The following QSER1 variants were observed in gnomAD, a reference collection of about 807,000 sequenced individuals.
The protein encoded by QSER1 is glutamine and serine rich 1.
Under a neutral mutation model 158.5 loss-of-function variants are expected in QSER1, and 49 were observed. That is an observed-to-expected ratio of 0.31 (90% CI 0.25 to 0.39). QSER1 has a LOEUF of 0.39. Among genes scored for constraint, QSER1 ranks in the 10% least tolerant of loss-of-function variants. QSER1 has a pLI of 1.00. For missense variants in QSER1, 1,754 were observed against 2,010.3 expected (o/e 0.87, Z 2.44); for synonymous variants, 650 against 715.5 (o/e 0.91, Z 1.46).
chr11:32,935,162 C>T lies in QSER1; in HGVS notation c.3904C>T (p.Pro1302Ser), dbSNP rs576532664. The part of the protein sequence containing the change: ...QQFSTLAVRM[P>S]NRTRRPGTQM... ...GTTTTCCACTCTTGCTGTACGAATGCCTAACAGGACTAGACGGCCAGGGAC... is the reference window on the plus strand; with the variant it reads ...GTTTTCCACTCTTGCTGTACGAATGTCTAACAGGACTAGACGGCCAGGGAC... Residue 1302 changes from proline to serine, a missense_variant, in exon 4 of 13, where the codon CCT becomes TCT. Coordinates refer to ENST00000650167, the MANE Select transcript of QSER1 (RefSeq NM_001076786.3). 7 of 1,614,048 alleles carry T rather than the reference C, an allele frequency of 4.3e-6. No individual in the cohort carries two copies. In the East Asian group the frequency reaches 1.3e-4, roughly 31 times the overall value.
At chr11:32,963,059 T>C (rs1852655489) in intron 8 of QSER1, among the ~76,000 whole-genome samples, 1 of 152,258 alleles carries the variant, frequency 6.6e-6, no homozygotes, top group South Asian at 2.1e-4. Flanking sequence ...GTGTACCTGC[T>C]ATTTCATCAC....
rs11032076 is a variant in QSER1 at position 32,975,259 on chromosome 11, C to T, written c.5370C>T (p.Val1790=). The change falls in exon 12 of 13, where the codon GTC becomes GTT. Residue 1790 remains valine (V), a synonymous_variant. Coordinates refer to ENST00000650167, the MANE Select transcript of QSER1 (RefSeq NM_001076786.3). Reference sequence around the variant, plus strand: ...TTTTCTTTTTATAGGAGTTTGCTGTCGATCCAGAGAAAATACAGTTGTATT... The same window carrying T: ...TTTTCTTTTTATAGGAGTTTGCTGTTGATCCAGAGAAAATACAGTTGTATT... The part of the protein sequence containing the change: ...TTTKSAQEFA[V]DPEKIQLYSL... The T allele has an allele frequency of 0.12, 191,599 of 1,547,578 alleles. 13,322 individuals are homozygous for T. Among genetic ancestry groups the T allele is most frequent in the Non-Finnish European group, 0.14 (160,866 of 1,144,578 alleles).
chr11:32,895,460 A>G (rs1395639410), intron 1 of QSER1, among the ~76,000 whole-genome samples: 3 of 152,234 alleles, frequency 2.0e-5, no homozygotes, highest in African/African-American at 4.8e-5. Context: ...GATTTCAGTT[A>G]TATCAAAAAT....
Position 32,935,273 on chromosome 11 carries a change from A to AAT in QSER1, c.4016_4017insTA (p.Ser1340ThrfsTer41). 6.2e-7 allele frequency: 1 copy of AAT among 1,613,992 alleles called. No individual in the cohort carries two copies. The highest frequency in any genetic ancestry group is 8.5e-7 in the Non-Finnish European group (1 of 1,179,954). On this transcript the variant is annotated frameshift_variant, in exon 4 of 13. Transcript: ENST00000650167. LOFTEE classifies it high-confidence loss of function. ...ACCTTTAGTGTCTGAAACTGGCGGT[A>AAT]ACAGTCCATCAGATAAAGTTGATAA...
chr11:32,953,047 C>T (rs1241958164), intron 4 of QSER1, among the ~76,000 whole-genome samples: 2 of 152,006 alleles, frequency 1.3e-5, no homozygotes, highest in South Asian at 2.1e-4. Flanking sequence ...GTGATCTGCC[C>T]GCCTTGGCCT....
intron 4 of QSER1, among the ~76,000 whole-genome samples, chr11:32,952,386 G>A (rs1852436863): frequency 1.3e-5 from 1 of 79,886 alleles, no homozygotes; most frequent in Non-Finnish European, 3.0e-5. Context: ...GTGCTCCTAT[G>A]CTGTTTTCTA....
At chr11:32,929,200 G>A (rs942732857) in intron 3 of QSER1, among the ~76,000 whole-genome samples, 6 of 151,902 alleles carry the variant, frequency 3.9e-5, no homozygotes, top group African/African-American at 9.7e-5. Context: ...CAACCTCTGC[G>A]TCCCAGGTTC....
intron 1 of QSER1, among the ~76,000 whole-genome samples, chr11:32,904,482 G>A (rs1321344265): frequency 1.3e-5 from 2 of 151,998 alleles, no homozygotes; most frequent in East Asian, 1.9e-4. Context: ...GAGCCACTGC[G>A]CCCAGCCAGT....
intron 1 of QSER1, among the ~76,000 whole-genome samples, chr11:32,899,711 G>A (rs1242596325): frequency 6.6e-6 from 1 of 152,018 alleles, no homozygotes; most frequent in African/African-American, 2.4e-5. Flanking sequence ...TCTGGAGGGT[G>A]AGAGGGTAAT....
intron 10 of QSER1, among the ~76,000 whole-genome samples, chr11:32,969,370 T>C (rs1328883855): frequency 6.6e-6 from 1 of 152,168 alleles, no homozygotes; most frequent in African/African-American, 2.4e-5. Flanking sequence ...TTATATCTTC[T>C]ATAAAATAAT....
At chr11:32,971,553 A>G (rs1852856843) in intron 10 of QSER1, among the ~76,000 whole-genome samples, 1 of 152,196 alleles carries the variant, frequency 6.6e-6, no homozygotes, top group South Asian at 2.1e-4. Flanking sequence ...GCAAATAATA[A>G]TTCTGGATCC....
chr11:32,901,415 T>C (rs903878574), intron 1 of QSER1, among the ~76,000 whole-genome samples: 3 of 152,166 alleles, frequency 2.0e-5, no homozygotes, highest in Non-Finnish European at 4.4e-5. Context: ...AAAATTATAT[T>C]GAGTTCAAGG....
rs1251676332 is a variant in QSER1, at chr11:32,892,917, C to T, written c.-209C>T. ...CGCTTCCCTGACGCCCAGCTGGGGC[C>T]TCGCCGCCCGCCGCGGCCCGGGTCT... On this transcript the variant is annotated 5_prime_UTR_variant, in exon 1 of 13. Transcript: ENST00000650167. Among the ~76,000 whole-genome samples the T allele has an allele frequency of 6.9e-5, 10 of 145,422 alleles. No homozygotes were observed. Among genetic ancestry groups the T allele is most frequent in the East Asian group, 4.2e-4 (2 of 4,784 alleles).
rs747335134 is a variant in QSER1 at position 32,933,273 on chromosome 11, A to G, written c.2015A>G (p.Lys672Arg). 1 of 1,610,704 alleles carries G rather than the reference A, an allele frequency of 6.2e-7. No individual in the cohort carries two copies. The highest frequency in any genetic ancestry group is 8.5e-7 in the Non-Finnish European group (1 of 1,179,138). Residue 672 changes from lysine to arginine, a missense_variant, in exon 4 of 13, where the codon AAG becomes AGG. By Grantham distance (26) the Lys-to-Arg change is conservative. Coordinates refer to ENST00000650167, the MANE Select transcript of QSER1 (RefSeq NM_001076786.3). ...AATAACATAACTTCCCCTGACCCAA[A>G]GTCTTATGCTGAAAGAAAGCTTGAC... Reference protein sequence around the residue: ...LQNNITSPDPKSYAERKLDSD... With the variant: ...LQNNITSPDPRSYAERKLDSD...
intron 1 of QSER1, among the ~76,000 whole-genome samples, chr11:32,917,526 T>G (rs1851847815): frequency 6.6e-6 from 1 of 152,182 alleles, no homozygotes; most frequent in Non-Finnish European, 1.5e-5. Flanking sequence ...CACAAGATAC[T>G]AAAAAACCCT....
At chr11:32,918,359 G>A (rs888013204) in intron 1 of QSER1, among the ~76,000 whole-genome samples, 1 of 152,008 alleles carries the variant, frequency 6.6e-6, no homozygotes, top group Non-Finnish European at 1.5e-5. Context: ...GAAAAATAAA[G>A]AGGGTTAGGG....
chr11:32,957,717 T>C (rs1054396468), intron 7 of QSER1, 152 bp from the exon 8 acceptor site: 5 of 631,686 alleles, frequency 7.9e-6, no homozygotes, highest in African/African-American at 7.4e-5. Flanking sequence ...GGAATCACCA[T>C]TGAGATGTAT....
chr11:32,902,738 T>G (rs1394458178), intron 1 of QSER1, among the ~76,000 whole-genome samples: 1 of 152,192 alleles, frequency 6.6e-6, no homozygotes, highest in Non-Finnish European at 1.5e-5. Flanking sequence ...CCTTTGCCAT[T>G]GTAGGTGATA....
rs571672048 is a variant in QSER1, at chr11:32,896,769, G to A, written c.209+3435G>A. Reference sequence around the variant, plus strand: ...AATGCATACTTTTTTTTAGTATGAGGTATAATGAGTATGATAAATACTCCT... The same window carrying A: ...AATGCATACTTTTTTTTAGTATGAGATATAATGAGTATGATAAATACTCCT... On this transcript the variant is annotated intron_variant, in intron 1 of 12. Coordinates refer to ENST00000650167, the MANE Select transcript of QSER1 (RefSeq NM_001076786.3). Among the ~76,000 whole-genome samples the A allele has an allele frequency of 2.1e-3, 319 of 152,194 alleles. 2 individuals are homozygous for A. The highest frequency in any genetic ancestry group is 7.5e-3 in the African/African-American group (313 of 41,514).
Sources: allele counts gnomAD v4.1 joint callset (sites outside exome capture counted in the v4.1 genomes callset), GRCh38; gene constraint gnomAD v4.1.1; transcripts MANE v1.5; gene names NCBI Gene and HGNC (gene_info 2026-07-23, HGNC 2026-07-21).